ST6GALNAC3: variants seen among roughly 807,000 people sequenced by gnomAD.
The protein encoded by ST6GALNAC3 is ST6 N-acetylgalactosaminide alpha-2,6-sialyltransferase 3, also known as alpha-N-acetylgalactosaminide alpha-2,6-sialyltransferase 3.
A neutral mutation model predicts 32.7 loss-of-function variants in ST6GALNAC3; 25 were observed. The ratio of observed to expected loss-of-function variants is 0.76; its 90% CI spans 0.56 to 1.07. ST6GALNAC3 has a LOEUF of 1.07. Among genes scored for constraint, ST6GALNAC3 ranks in the 50% least tolerant of loss-of-function variants. The pLI, the probability that ST6GALNAC3 is intolerant of heterozygous loss-of-function variation, is 0.00. For missense variants in ST6GALNAC3, 355 were observed against 382.4 expected, an observed-to-expected ratio of 0.93 and a Z score of 0.60; for synonymous variants, 129 against 133.1, an observed-to-expected ratio of 0.97 and a Z score of 0.21.
intron 3 of ST6GALNAC3, among the ~76,000 whole-genome samples, chr1:76,573,242 C>A (rs570179128): frequency 6.6e-6 from 1 of 152,116 alleles, no homozygotes; most frequent in East Asian, 1.9e-4. Context: ...GTGGAACTAC[C>A]TTTCCGGTCC....
intron 1 of ST6GALNAC3, among the ~76,000 whole-genome samples, chr1:76,221,682 A>G (rs1655780132): frequency 2.0e-5 from 3 of 152,154 alleles, no homozygotes; most frequent in Admixed American, 2.0e-4. Flanking sequence ...TCAGATGTTC[A>G]GTAACTGAAA....
intron 1 of ST6GALNAC3, among the ~76,000 whole-genome samples, chr1:76,264,492 A>G (rs1156772909): frequency 6.6e-6 from 1 of 152,208 alleles, no homozygotes; most frequent in African/African-American, 2.4e-5. Flanking sequence ...AATATCTTCT[A>G]TAAAAATAAT....
intron 3 of ST6GALNAC3, among the ~76,000 whole-genome samples, chr1:76,595,527 A>T (rs778493815): frequency 1.3e-5 from 2 of 152,142 alleles, no homozygotes; most frequent in Non-Finnish European, 2.9e-5. Flanking sequence ...AGCTTAATCG[A>T]TTGCACACTT....
Position 76,196,510 on chromosome 1 carries a change from GGCTGGAGT to G in ST6GALNAC3, c.19-117292_19-117285del, listed in dbSNP as rs1340835845. 2.6e-5 allele frequency among the ~76,000 whole-genome samples: 4 copies of G among 151,284 alleles called. No individual in the cohort carries two copies. In the South Asian group the frequency reaches 6.3e-4, roughly 24 times the overall value. On this transcript the variant is annotated intron_variant, in intron 1 of 4. Coordinates refer to ENST00000328299, the MANE Select transcript of ST6GALNAC3 (RefSeq NM_152996.4). ...GACGGAGTTTCACTCTTGTCACCCA[GGCTGGAGT>G]GCAATGGCGCGATCTCGGCTCACTG...
chr1:76,276,716 G>A (rs1292194521), intron 1 of ST6GALNAC3, among the ~76,000 whole-genome samples: 2 of 152,100 alleles, frequency 1.3e-5, no homozygotes, highest in Admixed American at 1.3e-4. Context: ...ACCATGAACA[G>A]TCTTTAATGT....
chr1:76,442,129 C>G (rs1470772592), intron 3 of ST6GALNAC3, among the ~76,000 whole-genome samples: 1 of 152,166 alleles, frequency 6.6e-6, no homozygotes, highest in Non-Finnish European at 1.5e-5. Context: ...GTAAATTTAT[C>G]TCAGTTGCAG....
chr1:76,357,366 C>A (rs987254090), intron 2 of ST6GALNAC3, among the ~76,000 whole-genome samples: 8 of 152,086 alleles, frequency 5.3e-5, no homozygotes, highest in Non-Finnish European at 7.4e-5. Flanking sequence ...AAACTCCTGA[C>A]CCCAGGTGAT....
At chr1:76,400,081 A>T (rs1332183162) in intron 2 of ST6GALNAC3, among the ~76,000 whole-genome samples, 1 of 152,130 alleles carries the variant, frequency 6.6e-6, no homozygotes, top group Admixed American at 6.5e-5. Context: ...AGTGGAAATT[A>T]TTGTTTTATT....
At chr1:76,231,559 T>A (rs1365505496) in intron 1 of ST6GALNAC3, among the ~76,000 whole-genome samples, 1 of 152,206 alleles carries the variant, frequency 6.6e-6, no homozygotes, top group Admixed American at 6.5e-5. Context: ...GCTTGACTAT[T>A]CTAGATACCT....
In ST6GALNAC3 at chr1:76,631,678, A is replaced by G. The variant is rs891644750; in HGVS notation, c.*2872A>G. On this transcript the variant is annotated 3_prime_UTR_variant, in exon 5 of 5. Transcript: ENST00000328299. The stretch of plus-strand genomic sequence containing the variant: ...TGATGTGTATTTATCCCAGAAATTA[A>G]TTAATATCTGTGAAAAATAAAAATA... The G allele has an allele frequency of 1.3e-5, 2 of 152,106 alleles. No homozygotes were observed. Among genetic ancestry groups the G allele is most frequent in the African/African-American group, 4.8e-5 (2 of 41,432 alleles). The allele number at this position is 152,106 out of a possible 1,614,324, so 9.4% of individuals were successfully genotyped here.
chr1:76,385,993 G>A (rs1652064975), intron 2 of ST6GALNAC3, among the ~76,000 whole-genome samples: 1 of 152,084 alleles, frequency 6.6e-6, no homozygotes, highest in African/African-American at 2.4e-5. Context: ...AGACGCTGGG[G>A]CATTGGTCTC....
intron 3 of ST6GALNAC3, among the ~76,000 whole-genome samples, chr1:76,519,062 A>G (rs1295135955): frequency 6.6e-6 from 1 of 152,162 alleles, no homozygotes; most frequent in Non-Finnish European, 1.5e-5. Flanking sequence ...AATAAAATGT[A>G]TCACTTAGCT....
chr1:76,627,109 A>G (rs942584029), intron 3 of ST6GALNAC3, among the ~76,000 whole-genome samples: 1 of 151,908 alleles, frequency 6.6e-6, no homozygotes, highest in African/African-American at 2.4e-5. Flanking sequence ...CTTTCCTCTG[A>G]TAGACAGGAC....
chr1:76,406,318 C>T (rs1388320937), intron 2 of ST6GALNAC3, among the ~76,000 whole-genome samples: 2 of 151,910 alleles, frequency 1.3e-5, no homozygotes, highest in Non-Finnish European at 2.9e-5. Context: ...TCCTGGAGAC[C>T]AGTTTAGAAA....
In ST6GALNAC3 at chr1:76,321,989, C is replaced by T. The variant is rs192781620; in HGVS notation, c.213+7990C>T. On this transcript the variant is annotated intron_variant, in intron 2 of 4. Coordinates refer to ENST00000328299, the MANE Select transcript of ST6GALNAC3 (RefSeq NM_152996.4). ...TTATCATAGGTTTTAATGTAGTGAT[C>T]GGTTCCTCAGGAAGATATACCGCAG... Among the ~76,000 whole-genome samples the T allele has an allele frequency of 6.4e-3, 978 of 152,186 alleles. 5 individuals carry two copies. The highest frequency in any genetic ancestry group is 6.8e-3 in the Middle Eastern group (2 of 294).
At chr1:76,573,664 CT>C (rs35242060) in intron 3 of ST6GALNAC3, among the ~76,000 whole-genome samples, 19 of 147,660 alleles carry the variant, frequency 1.3e-4, no homozygotes, top group East Asian at 5.9e-4. Context: ...CTTTCTTCTC[CT>C]TTTTTTTTTG....
At chr1:76,318,667 T>C (rs752132585) in intron 2 of ST6GALNAC3, among the ~76,000 whole-genome samples, 5 of 152,172 alleles carry the variant, frequency 3.3e-5, no homozygotes, top group Non-Finnish European at 7.3e-5. Context: ...GCAGAATTAC[T>C]GTATTATCAA....
At chr1:76,386,475 C>A (rs1652101040) in intron 2 of ST6GALNAC3, among the ~76,000 whole-genome samples, 1 of 4,370 alleles carries the variant, frequency 2.3e-4, no homozygotes, top group Non-Finnish European at 0.015. Flanking sequence ...GAGGCTCAAG[C>A]CAGGGTGAAT....
chr1:76,340,227 T>A (rs1647846987), intron 2 of ST6GALNAC3, among the ~76,000 whole-genome samples: 1 of 152,210 alleles, frequency 6.6e-6, no homozygotes, highest in Admixed American at 6.5e-5. Context: ...TTTGTGTCTA[T>A]ATAAAAGCGA....
Sources: gnomAD v4.1 joint callset for allele counts (sites outside exome capture counted in the v4.1 genomes callset) on GRCh38, gnomAD v4.1.1 for gene constraint, MANE v1.5 for transcripts, NCBI Gene and HGNC (gene_info 2026-07-23, HGNC 2026-07-21) for gene names.